The following CAPN9 variants were observed in gnomAD, a reference collection of about 807,000 sequenced individuals.
CAPN9 encodes calpain-9.
Under a neutral mutation model 92.8 loss-of-function variants are expected in CAPN9, and 81 were observed. That is an observed-to-expected ratio of 0.87 (90% CI 0.73 to 1.05). The LOEUF (loss-of-function observed/expected upper bound fraction) is 1.05, where lower values mean the gene tolerates loss of function less well. CAPN9 is among the 50% of genes least tolerant of loss of function. The pLI is 0.00. For missense variants in CAPN9, 848 were observed against 866.2 expected (o/e 0.98, Z 0.26); for synonymous variants, 304 against 328.0 (o/e 0.93, Z 0.79).
intron 6 of CAPN9, among the ~76,000 whole-genome samples, chr1:230,771,173 C>T (rs1239454746): frequency 6.6e-6 from 1 of 152,218 alleles, no homozygotes; most frequent in African/African-American, 2.4e-5. Context: ...AAATGAGCCC[C>T]TTTAATGGTG....
chr1:230,792,588 G>A, intron 16 of CAPN9, 94 bp downstream of exon 16: 2 of 1,010,996 alleles, frequency 2.0e-6, no homozygotes, highest in Non-Finnish European at 3.2e-6. Flanking sequence ...CAGGCTATAG[G>A]CTAGAGGAAT....
chr1:230,792,873 T>C lies in CAPN9; in HGVS notation c.1815T>C (p.Ala605=). The change falls in exon 17 of 20, where the codon GCT becomes GCC. Residue 605 remains alanine, a synonymous_variant. Coordinates refer to ENST00000271971, the MANE Select transcript of CAPN9 (RefSeq NM_006615.3). The part of the protein sequence containing the change: ...QWINLFLRFD[A]DKSGTMSTYE... ...AGAACCTTTTCCTTCGGTTTGATGCTGACAAGTCCGGCACCATGTCTACCT... is the reference window on the plus strand; with the variant it reads ...AGAACCTTTTCCTTCGGTTTGATGCCGACAAGTCCGGCACCATGTCTACCT... The C allele has an allele frequency of 6.2e-7, 1 of 1,614,158 alleles. No individual in the cohort carries two copies. The highest frequency in any genetic ancestry group is 8.5e-7 in the Non-Finnish European group (1 of 1,179,982).
chr1:230,801,730 C>A lies in CAPN9; in HGVS notation c.*134C>A. 1 of 814,710 alleles carries A rather than the reference C, an allele frequency of 1.2e-6. No homozygotes were observed. The highest frequency in any genetic ancestry group is 2.2e-6 in the Non-Finnish European group (1 of 462,588). 50.5% of individuals were successfully genotyped at this position (814,710 alleles called of 1,614,324 possible). ...TCATCGTCCGGCCTTCTCCCTTCAT[C>A]TTGATCTGGGAAGAATGAAATGAAC... On this transcript the variant is annotated 3_prime_UTR_variant, in exon 20 of 20. Coordinates refer to ENST00000271971, the MANE Select transcript of CAPN9 (RefSeq NM_006615.3).
At chr1:230,750,363 C>T (rs1276338867) in intron 1 of CAPN9, among the ~76,000 whole-genome samples, 2 of 152,194 alleles carry the variant, frequency 1.3e-5, no homozygotes, top group Non-Finnish European at 2.9e-5. Context: ...TCTGCCTTTT[C>T]CTTTGTCTGC....
chr1:230,779,102 C>T lies in CAPN9; in HGVS notation c.1083C>T (p.Gly361=). 6.2e-7 allele frequency: 1 copy of T among 1,612,860 alleles called. No homozygotes were observed. The highest frequency in any genetic ancestry group is 8.5e-7 in the Non-Finnish European group (1 of 1,179,920). The change falls in exon 9 of 20, where the codon GGC becomes GGT. Residue 361 remains glycine, a synonymous_variant. Coordinates refer to ENST00000271971, the MANE Select transcript of CAPN9 (RefSeq NM_006615.3). ...VTVHQGSWVR[G]STAGGCRNFL... ...TCCATCAGGGAAGCTGGGTTCGCGG[C>T]TCCACGGCTGGGGGCTGCCGCAATT...
At chr1:230,796,671 G>GA (rs1183271817) in intron 18 of CAPN9, among the ~76,000 whole-genome samples, 4 of 152,152 alleles carry the variant, frequency 2.6e-5, no homozygotes, top group African/African-American at 9.7e-5. Context: ...GTGCATTCTA[G>GA]AAAGACCCCT....
chr1:230,771,079 A>G (rs927488764), intron 6 of CAPN9, among the ~76,000 whole-genome samples: 1 of 152,216 alleles, frequency 6.6e-6, no homozygotes, highest in Non-Finnish European at 1.5e-5. Flanking sequence ...ACGTAACAAC[A>G]GAAACCTCTC....
chr1:230,780,112 G>A, intron 9 of CAPN9, 67 bp from the exon 10 acceptor site: 1 of 950,022 alleles, frequency 1.1e-6, no homozygotes, highest in Non-Finnish European at 1.6e-6. Flanking sequence ...GTGTGTGTGT[G>A]TGTGTGTGTG....
At position 230,780,596 on chromosome 1, in the gene CAPN9, G is replaced by A. The variant is rs766849862; in HGVS notation, c.1369G>A (p.Asp457Asn). 26 of 1,613,992 alleles carry A rather than the reference G, an allele frequency of 1.6e-5. No individual in the cohort carries two copies. The highest frequency in any genetic ancestry group is 5.0e-5 in the Admixed American group (3 of 60,002). ...KTFINLREVS[D>N]RFKLPPGEYI... ...GTTCATCAACCTGAGAGAAGTCTCC[G>A]ACCGGTTCAAGCTGCCCCCTGGGGA... is the stretch of plus-strand genomic sequence containing the variant. The change falls in exon 11 of 20, where the codon GAC becomes AAC. Residue 457 changes from aspartate to asparagine, a missense_variant. Transcript: ENST00000271971.
chr1:230,790,210 G>C, intron 14 of CAPN9, 21 bp downstream of exon 14: 1 of 1,613,340 alleles, frequency 6.2e-7, no homozygotes, highest in Non-Finnish European at 8.5e-7. Context: ...ACCCCATCGG[G>C]GTCCTGGGGC....
At position 230,762,733 on chromosome 1, in the gene CAPN9, C is replaced by A; in HGVS notation, c.483C>A (p.His161Gln). Residue 161 changes from histidine to glutamine, a missense_variant, in exon 4 of 20, where the codon CAC (histidine) becomes CAA (glutamine). By Grantham distance (24) the His-to-Gln change is conservative (BLOSUM62 0). Transcript: ENST00000271971. ...PTFRDRLVFLHSADHNEFWSA... is the reference protein window; with the variant it reads ...PTFRDRLVFLQSADHNEFWSA... The stretch of plus-strand genomic sequence containing the variant: ...TCAGGGACCGCTTGGTTTTCCTCCA[C>A]TCTGCCGACCACAACGAGTTCTGGA... The A allele has an allele frequency of 6.2e-7, 1 of 1,614,180 alleles. No individual in the cohort carries two copies. Among genetic ancestry groups the A allele is most frequent in the Non-Finnish European group, 8.5e-7 (1 of 1,180,024 alleles).
intron 4 of CAPN9, among the ~76,000 whole-genome samples, chr1:230,765,153 T>C (rs763470002): frequency 1.3e-5 from 2 of 150,626 alleles, no homozygotes; most frequent in Non-Finnish European, 2.9e-5. Context: ...CATATATACA[T>C]ACATACATAA....
At position 230,801,786 on chromosome 1, in the gene CAPN9, C is replaced by T. The variant is rs1293197816; in HGVS notation, c.*190C>T. On this transcript the variant is annotated 3_prime_UTR_variant, in exon 20 of 20. Transcript: ENST00000271971. ...TACACTCTCTGATTTTGTGCTACTCCTTTGTAAAGTCACTGCCTTAAGGGG... is the reference window on the plus strand; with the variant it reads ...TACACTCTCTGATTTTGTGCTACTCTTTTGTAAAGTCACTGCCTTAAGGGG... The T allele has an allele frequency of 4.7e-6, 3 of 633,124 alleles. No individual in the cohort carries two copies. Among genetic ancestry groups the T allele is most frequent in the Middle Eastern group, 3.7e-4 (1 of 2,708 alleles). The allele number at this position is 633,124 out of a possible 1,614,324, so 39.2% of individuals were successfully genotyped here.
intron 2 of CAPN9, among the ~76,000 whole-genome samples, chr1:230,758,576 C>T (rs1198763868): frequency 1.3e-5 from 2 of 152,150 alleles, no homozygotes; most frequent in African/African-American, 2.4e-5. Flanking sequence ...TCCCGATGTT[C>T]AGCCCTGGCG....
intron 3 of CAPN9, among the ~76,000 whole-genome samples, chr1:230,762,121 G>C (rs911698307): frequency 7.2e-5 from 11 of 152,210 alleles, no homozygotes; most frequent in Admixed American, 5.9e-4. Flanking sequence ...CTGGCACGCA[G>C]GGATTACTGA....
intron 3 of CAPN9, 33 bp from the exon 4 acceptor site, chr1:230,762,620 T>C: frequency 6.2e-7 from 1 of 1,610,472 alleles, no homozygotes. Context: ...TGTAGCTGAC[T>C]CGCATCATTT....
intron 3 of CAPN9, 36 bp from the exon 4 acceptor site, chr1:230,762,617 G>A: frequency 1.2e-6 from 2 of 1,609,792 alleles, no homozygotes; most frequent in Non-Finnish European, 1.7e-6. Context: ...CCATGTAGCT[G>A]ACTCGCATCA....
At chr1:230,790,381 C>G in intron 14 of CAPN9, 192 bp downstream of exon 14, 3 of 904,846 alleles carry the variant, frequency 3.3e-6, no homozygotes, top group Non-Finnish European at 4.0e-6. Context: ...GTAGAAAATT[C>G]TTAAAAATGC....
intron 17 of CAPN9, among the ~76,000 whole-genome samples, chr1:230,794,652 C>G (rs986020979): frequency 6.6e-6 from 1 of 152,150 alleles, no homozygotes; most frequent in Admixed American, 6.5e-5. Flanking sequence ...CTTCCCCCAT[C>G]GTGGATGTGT....
Sources: allele counts gnomAD v4.1 joint callset (sites outside exome capture counted in the v4.1 genomes callset), GRCh38; gene constraint gnomAD v4.1.1; transcripts MANE v1.5; gene names NCBI Gene and HGNC (gene_info 2026-07-23, HGNC 2026-07-21).